COL5A2: variants seen among roughly 807,000 people sequenced by gnomAD.
COL5A2 encodes the protein collagen alpha-2(V) chain.
Under a neutral mutation model 208.2 loss-of-function variants are expected in COL5A2, and 23 were observed. That is an observed-to-expected ratio of 0.11 (90% CI 0.08 to 0.16). COL5A2 has a LOEUF of 0.16. Ranked by LOEUF, COL5A2 falls within the 10% of genes least tolerant of loss-of-function variation. The pLI is 1.00. For missense variants in COL5A2, 1,590 were observed against 1,956.4 expected, an observed-to-expected ratio of 0.81 and a Z score of 3.53; for synonymous variants, 625 against 628.5, an observed-to-expected ratio of 0.99 and a Z score of 0.08.
intron 1 of COL5A2, among the ~76,000 whole-genome samples, chr2:189,203,877 T>C (rs1197855235): frequency 6.6e-6 from 1 of 152,012 alleles, no homozygotes; most frequent in East Asian, 1.9e-4. Context: ...TGTCTAAGAA[T>C]GAACCATTTT....
At chr2:189,351,771 A>C in the COL5A2 span, among the ~76,000 whole-genome samples, 1 of 152,164 alleles carries the variant, frequency 6.6e-6, no homozygotes, top group African/African-American at 2.4e-5. Flanking sequence ...AGGAAGCAGA[A>C]ACCTAGATTC....
the COL5A2 span, among the ~76,000 whole-genome samples, chr2:189,438,849 C>T: frequency 6.6e-6 from 1 of 152,172 alleles, no homozygotes; most frequent in Non-Finnish European, 1.5e-5. Flanking sequence ...AAAGGCTACA[C>T]TGTCTTCAAT....
At chr2:189,227,559 G>C (rs1689436366), upstream of COL5A2, among the ~76,000 whole-genome samples, 1 of 151,980 alleles carries the variant, frequency 6.6e-6, no homozygotes, top group Admixed American at 6.6e-5. Flanking sequence ...AAACAAAACA[G>C]AAGTAGCCAT....
intron 3 of COL5A2, among the ~76,000 whole-genome samples, chr2:189,101,835 T>C (rs771348747): frequency 6.6e-6 from 1 of 151,950 alleles, no homozygotes; most frequent in Non-Finnish European, 1.5e-5. Flanking sequence ...ATAGGGTAAG[T>C]TCAAGATTGA....
the COL5A2 span, among the ~76,000 whole-genome samples, chr2:189,408,264 G>A: frequency 8.5e-3 from 1,287 of 152,192 alleles, 20 homozygotes; most frequent in African/African-American, 0.029. Flanking sequence ...GCTCTAGCTG[G>A]AACTGAAGCT....
chr2:189,093,208 C>G (rs139510738), intron 6 of COL5A2, among the ~76,000 whole-genome samples: 34 of 152,274 alleles, frequency 2.2e-4, no homozygotes, highest in African/African-American at 7.7e-4. Context: ...GGAAATGCTC[C>G]GTCCTCTAAC....
At chr2:189,173,217 G>A (rs1034540827) in intron 1 of COL5A2, among the ~76,000 whole-genome samples, 1 of 151,714 alleles carries the variant, frequency 6.6e-6, no homozygotes, top group African/African-American at 2.4e-5. Flanking sequence ...CAGGTGATCC[G>A]CCCACCTCAG....
the COL5A2 span, among the ~76,000 whole-genome samples, chr2:189,370,155 C>G: frequency 6.4e-3 from 973 of 152,164 alleles, 11 homozygotes; most frequent in African/African-American, 0.022. Flanking sequence ...GTACTTTTTT[C>G]TCTCTCCATT....
At chr2:189,171,870 A>C (rs1461537478) in intron 1 of COL5A2, among the ~76,000 whole-genome samples, 1 of 152,162 alleles carries the variant, frequency 6.6e-6, no homozygotes, top group Non-Finnish European at 1.5e-5. Flanking sequence ...GAAAAGCAAA[A>C]TGCTACAGGA....
At chr2:189,334,855 G>A in the COL5A2 span, among the ~76,000 whole-genome samples, 2 of 152,030 alleles carry the variant, frequency 1.3e-5, no homozygotes, top group Non-Finnish European at 2.9e-5. Context: ...CAACTATCAT[G>A]TGATGTTGAC....
intron 16 of COL5A2, among the ~76,000 whole-genome samples, chr2:189,078,003 T>C: frequency 6.6e-6 from 1 of 152,180 alleles, no homozygotes; most frequent in Non-Finnish European, 1.5e-5. Context: ...ACATAAATAG[T>C]CTGCAAGAGT....
chr2:189,121,955 T>C (rs1232825589), intron 1 of COL5A2, among the ~76,000 whole-genome samples: 1 of 152,140 alleles, frequency 6.6e-6, no homozygotes, highest in Non-Finnish European at 1.5e-5. Flanking sequence ...TACTTATACT[T>C]AGCACATCCA....
intron 1 of COL5A2, among the ~76,000 whole-genome samples, chr2:189,207,347 G>T (rs1257284506): frequency 2.6e-5 from 4 of 151,848 alleles, no homozygotes; most frequent in African/African-American, 9.7e-5. Flanking sequence ...TCAAAATTAT[G>T]TCAAAAATAA....
intron 9 of COL5A2, among the ~76,000 whole-genome samples, chr2:189,086,382 T>G (rs193161227): frequency 6.6e-6 from 1 of 152,302 alleles, no homozygotes; most frequent in African/African-American, 2.4e-5. Flanking sequence ...TTGCCTCCTA[T>G]GATCTGATTT....
intron 1 of COL5A2, among the ~76,000 whole-genome samples, chr2:189,123,449 C>G (rs1687548436): frequency 6.6e-6 from 1 of 152,060 alleles, no homozygotes; most frequent in South Asian, 2.1e-4. Flanking sequence ...AAGATGAGGT[C>G]ATACTGGAAT....
chr2:189,346,779 T>C, the COL5A2 span, among the ~76,000 whole-genome samples: 1 of 151,914 alleles, frequency 6.6e-6, no homozygotes, highest in South Asian at 2.1e-4. Context: ...GGGAAATAAA[T>C]GGGAAAAGAT....
chr2:189,092,282 G>A (rs1279716157), intron 7 of COL5A2, 28 bp downstream of exon 7: 6 of 1,321,616 alleles, frequency 4.5e-6, no homozygotes, highest in Non-Finnish European at 6.5e-6. Flanking sequence ...TGACCTGTAC[G>A]TGACATCAAA....
chr2:189,263,785 A>G, the COL5A2 span, among the ~76,000 whole-genome samples: 2 of 152,186 alleles, frequency 1.3e-5, no homozygotes, highest in African/African-American at 4.8e-5. Flanking sequence ...GTACAGTAAC[A>G]TGCTGTAAGG....
the COL5A2 span, among the ~76,000 whole-genome samples, chr2:189,438,993 T>C: frequency 2.0e-5 from 3 of 152,158 alleles, no homozygotes; most frequent in African/African-American, 7.2e-5. Flanking sequence ...TCTTGACTTA[T>C]CTTGAACATG....
Sources: allele counts gnomAD v4.1 joint callset (sites outside exome capture counted in the v4.1 genomes callset), GRCh38; gene constraint gnomAD v4.1.1; transcripts MANE v1.5; gene names NCBI Gene and HGNC (gene_info 2026-07-23, HGNC 2026-07-21).